Variants in NUDT3 observed in about 807,000 individuals in gnomAD.
The protein encoded by NUDT3 is diphosphoinositol polyphosphate phosphohydrolase 1.
A neutral mutation model predicts 23.6 loss-of-function variants in NUDT3; 9 were observed. The observed-to-expected ratio is 0.38, with a 90% confidence interval of 0.23 to 0.66. The LOEUF is 0.66. Ranked by LOEUF, NUDT3 falls within the 30% of genes least tolerant of loss-of-function variation. NUDT3 has a pLI of 0.52. For missense variants in NUDT3, 172 were observed against 218.5 expected (o/e 0.79, Z 1.34); for synonymous variants, 86 against 82.6 (o/e 1.04, Z -0.22).
In NUDT3 at chr6:34,358,291, A is replaced by ACC. The variant is rs71000053; in HGVS notation, c.100-16321_100-16320dup. Among the ~76,000 whole-genome samples, 513 of 150,072 alleles carry ACC rather than the reference A, an allele frequency of 3.4e-3. 5 individuals are homozygous for ACC. Among genetic ancestry groups the ACC allele is most frequent in the Admixed American group, 7.5e-3 (112 of 15,006 alleles). On this transcript the variant is annotated intron_variant, in intron 1 of 4. Coordinates refer to ENST00000607016, the MANE Select transcript of NUDT3 (RefSeq NM_006703.4). The stretch of plus-strand genomic sequence containing the variant: ...CACACACACACACACACACACACAC[A>ACC]CCCCTTATAATTTCTACAGGAATCA...
chr6:34,333,493 A>G (rs574944886), intron 2 of NUDT3, among the ~76,000 whole-genome samples: 1 of 152,344 alleles, frequency 6.6e-6, no homozygotes, highest in East Asian at 1.9e-4. Context: ...TTTGGTGGAC[A>G]TCTTTCAAGG....
At chr6:34,322,508 C>G (rs546351742) in intron 2 of NUDT3, among the ~76,000 whole-genome samples, 3 of 152,196 alleles carry the variant, frequency 2.0e-5, no homozygotes, top group Non-Finnish European at 2.9e-5. Context: ...GGACTACAGG[C>G]ATGAGCCACT....
intron 2 of NUDT3, among the ~76,000 whole-genome samples, chr6:34,330,180 G>A (rs1764106724): frequency 6.6e-6 from 1 of 152,210 alleles, no homozygotes; most frequent in African/African-American, 2.4e-5. Context: ...TGGGATGGCT[G>A]GATCAAATGG....
At chr6:34,388,268 C>T (rs1343943006) in intron 1 of NUDT3, among the ~76,000 whole-genome samples, 8 of 152,140 alleles carry the variant, frequency 5.3e-5, no homozygotes, top group Non-Finnish European at 1.0e-4. Context: ...GTATCCCCAA[C>T]GTTAAGCGAC....
At chr6:34,295,368 T>A (rs1232326435) in intron 3 of NUDT3, among the ~76,000 whole-genome samples, 2 of 151,850 alleles carry the variant, frequency 1.3e-5, no homozygotes, top group African/African-American at 2.4e-5. Flanking sequence ...ACAAAAAATT[T>A]AAAAATTTAG....
At position 34,281,016 on chromosome 6, in the gene NUDT3, T is replaced by C. The variant is rs1304455575; in HGVS notation, c.*7737A>G. 3 of 152,196 alleles carry C rather than the reference T, an allele frequency of 2.0e-5. No homozygotes were observed. The highest frequency in any genetic ancestry group is 4.4e-5 in the Non-Finnish European group (3 of 68,034). 9.4% of individuals were successfully genotyped at this position (152,196 alleles called of 1,614,324 possible). Reference sequence around the variant, plus strand: ...CCACGGGGTTCCCTGGAAACATTTGTTGAACTTGGCCAAGAGGAGATTGTA... The same window carrying C: ...CCACGGGGTTCCCTGGAAACATTTGCTGAACTTGGCCAAGAGGAGATTGTA... On this transcript the variant is annotated 3_prime_UTR_variant, in exon 5 of 5. Coordinates refer to ENST00000607016, the MANE Select transcript of NUDT3 (RefSeq NM_006703.4).
intron 1 of NUDT3, 63 bp downstream of exon 1, chr6:34,392,201 C>T: frequency 7.3e-7 from 1 of 1,371,336 alleles, no homozygotes; most frequent in Non-Finnish European, 9.9e-7. Flanking sequence ...CCGCGCCCCT[C>T]GCGCCTCCAC....
At chr6:34,314,067 A>G (rs1015085260) in intron 2 of NUDT3, among the ~76,000 whole-genome samples, 2 of 151,958 alleles carry the variant, frequency 1.3e-5, no homozygotes, top group African/African-American at 4.8e-5. Context: ...ATTGCACTCC[A>G]GCCTGGGCAA....
intron 1 of NUDT3, among the ~76,000 whole-genome samples, chr6:34,387,535 T>G (rs1765125640): frequency 6.6e-6 from 1 of 151,772 alleles, no homozygotes; most frequent in Admixed American, 6.6e-5. Flanking sequence ...AGAATAAAGA[T>G]ATAATGAAGA....
In NUDT3 at chr6:34,392,663, G is replaced by A. The variant is rs1765230320; in HGVS notation, c.-301C>T. 5.1e-6 allele frequency: 1 copy of A among 195,188 alleles called. No individual in the cohort carries two copies. Among genetic ancestry groups the A allele is most frequent in the Admixed American group, 6.1e-5 (1 of 16,408 alleles). 12.1% of individuals were successfully genotyped at this position (195,188 alleles called of 1,614,324 possible). A position where few individuals can be genotyped will look rare whatever the true frequency, so the allele number is the denominator to read the frequency against. On this transcript the variant is annotated 5_prime_UTR_variant, in exon 1 of 5. Transcript: ENST00000607016. The stretch of plus-strand genomic sequence containing the variant: ...CCGCCATCTTGGGCGCGATGCGTCA[G>A]CGGCGTAAGGCTGCACCGGCCTGCG...
chr6:34,294,187 T>C (rs999848999), intron 3 of NUDT3, among the ~76,000 whole-genome samples: 2 of 152,040 alleles, frequency 1.3e-5, no homozygotes, highest in African/African-American at 4.8e-5. Context: ...GGTTTCACCA[T>C]GTTGGCCAGG....
At chr6:34,311,625 TAAGA>T (rs1164827526) in intron 2 of NUDT3, among the ~76,000 whole-genome samples, 2 of 152,168 alleles carry the variant, frequency 1.3e-5, no homozygotes, top group African/African-American at 2.4e-5. Context: ...GTCAACTCGT[TAAGA>T]AAGGAGAACA....
intron 2 of NUDT3, among the ~76,000 whole-genome samples, chr6:34,332,514 T>A (rs1764143195): frequency 1.3e-5 from 2 of 152,104 alleles, no homozygotes; most frequent in Non-Finnish European, 2.9e-5. Context: ...ATGGTGTAAC[T>A]TTTACTGGAA....
rs1436332533 is a variant in NUDT3 at position 34,295,629 on chromosome 6, T to C, written c.255+12A>G. ...TACATATCATTTGTACCAAAGATTT[T>C]AACAGACTTACCTCAAAAATTCCAA... On this transcript the variant is annotated intron_variant, in intron 3 of 4. Coordinates refer to ENST00000607016, the MANE Select transcript of NUDT3 (RefSeq NM_006703.4). The C allele has an allele frequency of 6.2e-7, 1 of 1,613,760 alleles. No individual in the cohort carries two copies. Among genetic ancestry groups the C allele is most frequent in the African/African-American group, 1.3e-5 (1 of 74,916 alleles).
At chr6:34,317,406 GCAGA>G (rs1763878970) in intron 2 of NUDT3, among the ~76,000 whole-genome samples, 1 of 151,232 alleles carries the variant, frequency 6.6e-6, no homozygotes, top group Non-Finnish European at 1.5e-5. Flanking sequence ...TAAATGAGAA[GCAGA>G]CAAAGAAAAA....
intron 1 of NUDT3, among the ~76,000 whole-genome samples, chr6:34,388,469 C>T (rs1765145569): frequency 6.6e-6 from 1 of 152,056 alleles, no homozygotes; most frequent in South Asian, 2.1e-4. Context: ...GGGTTGAATG[C>T]CTTATTCGGT....
intron 1 of NUDT3, among the ~76,000 whole-genome samples, chr6:34,343,442 T>C (rs1483703808): frequency 2.7e-5 from 4 of 150,846 alleles, no homozygotes; most frequent in Non-Finnish European, 5.9e-5. Context: ...TGGTCTCAGT[T>C]ACTTGGGAGG....
At chr6:34,381,693 T>C (rs1765020182) in intron 1 of NUDT3, among the ~76,000 whole-genome samples, 1 of 152,204 alleles carries the variant, frequency 6.6e-6, no homozygotes, top group Non-Finnish European at 1.5e-5. Flanking sequence ...GTAAAAGCCC[T>C]GAGTCAGGGC....
At chr6:34,324,270 G>A (rs1342069281) in intron 2 of NUDT3, among the ~76,000 whole-genome samples, 1 of 151,736 alleles carries the variant, frequency 6.6e-6, no homozygotes, top group Non-Finnish European at 1.5e-5. Context: ...CAGAAGAATG[G>A]CTTGAACCCA....
Sources: allele counts gnomAD v4.1 joint callset (sites outside exome capture counted in the v4.1 genomes callset), GRCh38; gene constraint gnomAD v4.1.1; transcripts MANE v1.5; gene names NCBI Gene and HGNC (gene_info 2026-07-23, HGNC 2026-07-21).